The following ASB1 variants were observed in gnomAD, a reference collection of about 807,000 sequenced individuals.
ASB1 encodes the protein ankyrin repeat and SOCS box protein 1.
A neutral mutation model predicts 27.7 loss-of-function variants in ASB1; 18 were observed. The observed-to-expected ratio is 0.65, with a 90% CI of 0.45 to 0.96. The LOEUF is 0.96. ASB1 is among the 50% of genes least tolerant of loss of function. The probability of loss-of-function intolerance (pLI) is 0.00; values close to 1 mark genes in which losing one functional copy is unlikely to be tolerated. For missense variants in ASB1, 397 were observed against 451.7 expected, an observed-to-expected ratio of 0.88 and a Z score of 1.10; for synonymous variants, 189 against 187.6, an observed-to-expected ratio of 1.01 and a Z score of -0.06.
rs1294046240 is a variant in ASB1 at position 238,447,462 on chromosome 2, T to A, written c.*951T>A. On this transcript the variant is annotated 3_prime_UTR_variant, in exon 5 of 5. Transcript: ENST00000264607. ...TGTCTTGGTCGCTGCTTCTAGAATCTATGCAGGGGATAGCAGTGAGGTCAG... is the reference window on the plus strand; with the variant it reads ...TGTCTTGGTCGCTGCTTCTAGAATCAATGCAGGGGATAGCAGTGAGGTCAG... The A allele has an allele frequency of 6.6e-6, 1 of 152,384 alleles. No individual in the cohort carries two copies. The highest frequency in any genetic ancestry group is 1.9e-4 in the East Asian group (1 of 5,200). The allele number at this position is 152,384 out of a possible 1,614,324, so 9.4% of individuals were successfully genotyped here.
chr2:238,434,746 T>A (rs1222388483), intron 2 of ASB1, among the ~76,000 whole-genome samples: 1 of 152,258 alleles, frequency 6.6e-6, no homozygotes, highest in Admixed American at 6.5e-5. Flanking sequence ...TGTAACAGAA[T>A]GAAATAGAGT....
rs969521372 is a variant in ASB1 at position 238,444,689 on chromosome 2, T to C, written c.842T>C (p.Val281Ala). 1 of 1,613,864 alleles carries C rather than the reference T, an allele frequency of 6.2e-7. No homozygotes were observed. The highest frequency in any genetic ancestry group is 1.7e-5 in the Admixed American group (1 of 60,000). Residue 281 changes from valine to alanine, a missense_variant, in exon 4 of 5, where the codon GTG becomes GCG. Val to Ala is a moderately conservative substitution (Grantham distance 64). Coordinates refer to ENST00000264607, the MANE Select transcript of ASB1 (RefSeq NM_001040445.3). ...LGPESRGRRKVDPEALQVFKE... is the reference protein window; with the variant it reads ...LGPESRGRRKADPEALQVFKE... ...CCAGAGTCGAGAGGAAGAAGAAAAG[T>C]GGACCCTGAGGCCTTGCAGGTCTTT...
Position 238,447,799 on chromosome 2 carries a change from A to T in ASB1, c.*1288A>T, listed in dbSNP as rs1333714710. The T allele has an allele frequency of 6.6e-6, 1 of 152,268 alleles. No homozygotes were observed. The highest frequency in any genetic ancestry group is 1.9e-4 in the East Asian group (1 of 5,208). 9.4% of individuals were successfully genotyped at this position (152,268 alleles called of 1,614,324 possible). On this transcript the variant is annotated 3_prime_UTR_variant, in exon 5 of 5. Transcript: ENST00000264607. Reference sequence around the variant, plus strand: ...AGAGAAATCCAATTTGTAAAACTTGAACAATGATACCGTTTTATTTACTTA... The same window carrying T: ...AGAGAAATCCAATTTGTAAAACTTGTACAATGATACCGTTTTATTTACTTA...
At chr2:238,437,894 A>G (rs935047129) in intron 3 of ASB1, among the ~76,000 whole-genome samples, 16 of 152,316 alleles carry the variant, frequency 1.1e-4, no homozygotes, top group Admixed American at 9.1e-4. Context: ...TAGCTACACA[A>G]TTGGCTTTTG....
In ASB1 at chr2:238,446,412, C is replaced by T. The variant is rs1489235340; in HGVS notation, c.909C>T (p.Cys303=). ...TTCCCAGAACCTTGCTGTGTCTGTG[C>T]CGTGTGGCTGTGAGAAGAGCTCTTG... ...RSVPRTLLCL[C]RVAVRRALGK... is the part of the protein sequence containing the mutation. Residue 303 remains cysteine, a synonymous_variant, in exon 5 of 5, where the codon TGC becomes TGT. Transcript: ENST00000264607. 1.2e-6 allele frequency: 2 copies of T among 1,612,148 alleles called. No homozygotes were observed. The highest frequency in any genetic ancestry group is 2.2e-5 in the South Asian group (2 of 90,700).
chr2:238,435,978 C>T lies in ASB1; in HGVS notation c.459C>T (p.Arg153=), dbSNP rs761438961. ...GCACCCCTGTCTACCACGCCTCTCG[C>T]GTGGGCCGGGCAGACATCCTGAAGG... ...HRSTPVYHAS[R]VGRADILKAL... is the part of the protein sequence containing the mutation. Residue 153 remains arginine, a synonymous_variant, in exon 3 of 5, where the codon CGC becomes CGT. Transcript: ENST00000264607. 2.3e-5 allele frequency: 37 copies of T among 1,613,510 alleles called. No homozygotes were observed. The highest frequency in any genetic ancestry group is 2.9e-5 in the Non-Finnish European group (34 of 1,179,916).
chr2:238,435,268 A>T (rs895451749), intron 2 of ASB1: 5 of 183,580 alleles, frequency 2.7e-5, no homozygotes, highest in African/African-American at 1.2e-4. Context: ...CCTGGTGAGG[A>T]TGCTGAGGCC....
intron 3 of ASB1, among the ~76,000 whole-genome samples, chr2:238,436,635 A>G (rs552293188): frequency 2.6e-5 from 4 of 152,188 alleles, no homozygotes; most frequent in African/African-American, 4.8e-5. Flanking sequence ...AGTAGCTGAC[A>G]CTACAGGTGT....
At chr2:238,442,743 C>T (rs1575007338) in intron 3 of ASB1, among the ~76,000 whole-genome samples, 1 of 152,056 alleles carries the variant, frequency 6.6e-6, no homozygotes, top group South Asian at 2.1e-4. Context: ...AATGGATATA[C>T]TTTTACCTTT....
chr2:238,429,174 ATTAAT>A (rs1701819962), intron 1 of ASB1, among the ~76,000 whole-genome samples: 1 of 152,086 alleles, frequency 6.6e-6, no homozygotes, highest in Non-Finnish European at 1.5e-5. Context: ...CTGAAAAGAG[ATTAAT>A]TTTAATATAA....
At position 238,450,984 on chromosome 2, in the gene ASB1, C is replaced by T. The variant is rs917677760; in HGVS notation, c.*4473C>T. On this transcript the variant is annotated 3_prime_UTR_variant, in exon 5 of 5. Coordinates refer to ENST00000264607, the MANE Select transcript of ASB1 (RefSeq NM_001040445.3). ...GACCTCCTTTCTCACTTATGCCTCA[C>T]TCCCCTCCTCCCGCTCCAAACCCGA... 11 of 136,802 alleles carry T rather than the reference C, an allele frequency of 8.0e-5. No individual in the cohort carries two copies. Among genetic ancestry groups the T allele is most frequent in the African/African-American group, 2.5e-4 (10 of 40,336 alleles). 8.5% of individuals were successfully genotyped at this position (136,802 alleles called of 1,614,324 possible).
In ASB1 at chr2:238,444,370, C is replaced by T; in HGVS notation, c.523C>T (p.His175Tyr). 1.2e-6 allele frequency: 2 copies of T among 1,611,060 alleles called. No individual in the cohort carries two copies. The highest frequency in any genetic ancestry group is 8.5e-7 in the Non-Finnish European group (1 of 1,177,588). Residue 175 changes from histidine (H) to tyrosine (Y), a missense_variant, in exon 4 of 5, where the codon CAC becomes TAC. Transcript: ENST00000264607. Reference sequence around the variant, plus strand: ...CGGGGCTGATGTTGACGTCAACCACCACCTGACTCCTGATGTCCAGCCTCG... The same window carrying T: ...CGGGGCTGATGTTGACGTCAACCACTACCTGACTCCTGATGTCCAGCCTCG... ...RYGADVDVNHHLTPDVQPRFS... is the reference protein window; with the variant it reads ...RYGADVDVNHYLTPDVQPRFS...
At chr2:238,444,979 C>G (rs200957145) in intron 4 of ASB1, among the ~76,000 whole-genome samples, 1 of 117,890 alleles carries the variant, frequency 8.5e-6, no homozygotes, top group Non-Finnish European at 1.7e-5. Flanking sequence ...CTCGCGCTCT[C>G]TTTTTTTTTT....
chr2:238,429,240 T>C (rs1701821325), intron 1 of ASB1, among the ~76,000 whole-genome samples: 1 of 152,244 alleles, frequency 6.6e-6, no homozygotes, highest in African/African-American at 2.4e-5. Context: ...GGGTGCTTTA[T>C]ACCTGCCTGT....
rs1248826440 is a variant in ASB1 at position 238,446,409 on chromosome 2, G to T, written c.906G>T (p.Leu302=). 2.5e-6 allele frequency: 4 copies of T among 1,612,132 alleles called. No individual in the cohort carries two copies. Among genetic ancestry groups the T allele is most frequent in the Non-Finnish European group, 2.5e-6 (3 of 1,178,954 alleles). The part of the protein sequence containing the change: ...ARSVPRTLLC[L]CRVAVRRALG... ...GTGTTCCCAGAACCTTGCTGTGTCT[G>T]TGCCGTGTGGCTGTGAGAAGAGCTC... The change falls in exon 5 of 5, where the codon CTG becomes CTT. Residue 302 remains leucine, a synonymous_variant. Coordinates refer to ENST00000264607, the MANE Select transcript of ASB1 (RefSeq NM_001040445.3).
intron 3 of ASB1, among the ~76,000 whole-genome samples, chr2:238,440,698 C>A (rs904212208): frequency 6.8e-6 from 1 of 147,894 alleles, no homozygotes; most frequent in Non-Finnish European, 1.5e-5. Context: ...CCTGGAAGAA[C>A]CCTAAACGTC....
intron 4 of ASB1, among the ~76,000 whole-genome samples, chr2:238,445,102 C>G (rs1702154082): frequency 6.6e-6 from 1 of 151,664 alleles, no homozygotes; most frequent in Admixed American, 6.6e-5. Flanking sequence ...CCACCTCAGC[C>G]TCCCAAGTAG....
chr2:238,429,990 C>A (rs757828843), intron 1 of ASB1, among the ~76,000 whole-genome samples: 1 of 151,390 alleles, frequency 6.6e-6, no homozygotes, highest in Non-Finnish European at 1.5e-5. Flanking sequence ...AAAATGTACA[C>A]GTTTTAATTT....
At chr2:238,429,861 C>G (rs936575188) in intron 1 of ASB1, among the ~76,000 whole-genome samples, 9 of 151,458 alleles carry the variant, frequency 5.9e-5, no homozygotes, top group Non-Finnish European at 1.2e-4. Context: ...TGGCGTGAAC[C>G]CGGGAGGCGG....
Sources: gnomAD v4.1 joint callset for allele counts (sites outside exome capture counted in the v4.1 genomes callset) on GRCh38, gnomAD v4.1.1 for gene constraint, MANE v1.5 for transcripts, NCBI Gene and HGNC (gene_info 2026-07-23, HGNC 2026-07-21) for gene names.